The following TNFRSF13C variants were observed in gnomAD, a reference collection of about 807,000 sequenced individuals.
TNFRSF13C encodes the protein tumor necrosis factor receptor superfamily member 13C.
TNFRSF13C carries 7 observed loss-of-function variants against 12.1 expected under a neutral mutation model. The observed-to-expected ratio is 0.58, with a 90% CI of 0.33 to 1.08. TNFRSF13C has a LOEUF of 1.08. Ranked by LOEUF, TNFRSF13C falls within the 50% of genes least tolerant of loss-of-function variation. TNFRSF13C has a pLI of 0.04. For missense variants in TNFRSF13C, 260 were observed against 265.9 expected, an observed-to-expected ratio of 0.98 and a Z score of 0.15; for synonymous variants, 157 against 130.8, an observed-to-expected ratio of 1.20 and a Z score of -1.37.
Position 41,923,861 on chromosome 22 carries a change from T to C in TNFRSF13C, c.*1506A>G, listed in dbSNP as rs1474624379. 3.3e-5 allele frequency: 5 copies of C among 152,152 alleles called. No homozygotes were observed. The highest frequency in any genetic ancestry group is 7.2e-5 in the African/African-American group (3 of 41,444). The allele number at this position is 152,152 out of a possible 1,614,324, so 9.4% of individuals were successfully genotyped here. A position where few individuals can be genotyped will look rare whatever the true frequency, so the allele number is the denominator to read the frequency against. On this transcript the variant is annotated 3_prime_UTR_variant, in exon 3 of 3. Coordinates refer to ENST00000291232, the MANE Select transcript of TNFRSF13C (RefSeq NM_052945.4). ...CTGGAAGCTGCCACTGGGGTCAAAA[T>C]GGCATCTTAGGTTCTGGCAGATTGG...
Position 41,925,569 on chromosome 22 carries a change from G to T in TNFRSF13C, c.368-15C>A, listed in dbSNP as rs372331667. ...GGGCTCTGGGGCTGCAGGCAGAGGG[G>T]GTAGAGGCTCCGTACTCAGTCACAG... On this transcript the variant is annotated splice_polypyrimidine_tract_variant and intron_variant, in intron 2 of 2. Coordinates refer to ENST00000291232, the MANE Select transcript of TNFRSF13C (RefSeq NM_052945.4). 180 of 1,611,150 alleles carry T rather than the reference G, an allele frequency of 1.1e-4. No homozygotes were observed. The African/African-American group carries it at 2.2e-3, about 20-fold the overall frequency.
Position 41,926,041 on chromosome 22 carries a change from G to A in TNFRSF13C, c.367+60C>T, listed in dbSNP as rs2077627638. On this transcript the variant is annotated intron_variant, in intron 2 of 2. Coordinates refer to ENST00000291232, the MANE Select transcript of TNFRSF13C (RefSeq NM_052945.4). This position sits in a 1 kb window ranked among gnomAD's most constrained non-coding sequence, Gnocchi z 4.9. ...GGGGCCATGCATCTCCCCCTAGACC[G>A]TCCCGACACCCCAGCCCCTGCGCCC... The A allele has an allele frequency of 4.4e-6, 7 of 1,601,792 alleles. No homozygotes were observed. Among genetic ancestry groups the A allele is most frequent in the Non-Finnish European group, 6.0e-6 (7 of 1,172,732 alleles).
At chr22:41,925,635 T>A in intron 2 of TNFRSF13C, 81 bp from the exon 3 acceptor site, 1 of 1,542,172 alleles carries the variant, frequency 6.5e-7, no homozygotes, top group South Asian at 1.1e-5. Flanking sequence ...GGAGGGGCAG[T>A]CCTCCGTCAA....
Position 41,926,613 on chromosome 22 carries a change from C to T in TNFRSF13C, c.136+25G>A, listed in dbSNP as rs973102805. The T allele has an allele frequency of 7.0e-7, 1 of 1,419,730 alleles. No homozygotes were observed. Among genetic ancestry groups the T allele is most frequent in the Non-Finnish European group, 9.2e-7 (1 of 1,090,066 alleles). The allele number at this position is 1,419,730 out of a possible 1,614,324, so 87.9% of individuals were successfully genotyped here. A position where few individuals can be genotyped will look rare whatever the true frequency, so the allele number is the denominator to read the frequency against. ...CCGTTCTCCCCGCAGCTGCCGGCGCCGCGCGCCCCGTGGGTCCCCCTTACC... is the reference window on the plus strand; with the variant it reads ...CCGTTCTCCCCGCAGCTGCCGGCGCTGCGCGCCCCGTGGGTCCCCCTTACC... On this transcript the variant is annotated intron_variant, in intron 1 of 2. Coordinates refer to ENST00000291232, the MANE Select transcript of TNFRSF13C (RefSeq NM_052945.4). This position sits in a 1 kb window ranked among gnomAD's most constrained non-coding sequence, Gnocchi z 4.9.
rs1229639290 is a variant in TNFRSF13C, at chr22:41,923,243, G to C, written c.*2124C>G. ...AGAACAGAACATGCCCAGGGCCCAAGAGTGGGAAAACAGCACCCAGAACTC... is the reference window on the plus strand; with the variant it reads ...AGAACAGAACATGCCCAGGGCCCAACAGTGGGAAAACAGCACCCAGAACTC... On this transcript the variant is annotated 3_prime_UTR_variant, in exon 3 of 3. Transcript: ENST00000291232. 6.5e-6 allele frequency: 1 copy of C among 154,698 alleles called. No individual in the cohort carries two copies. The highest frequency in any genetic ancestry group is 1.5e-5 in the Non-Finnish European group (1 of 68,476). 9.6% of individuals were successfully genotyped at this position (154,698 alleles called of 1,614,324 possible). A position where few individuals can be genotyped will look rare whatever the true frequency, so the allele number is the denominator to read the frequency against.
Position 41,926,619 on chromosome 22 carries a change from C to T in TNFRSF13C, c.136+19G>A, listed in dbSNP as rs2077633906. On this transcript the variant is annotated intron_variant, in intron 1 of 2. Coordinates refer to ENST00000291232, the MANE Select transcript of TNFRSF13C (RefSeq NM_052945.4). This position sits in a 1 kb window ranked among gnomAD's most constrained non-coding sequence, Gnocchi z 4.9. The stretch of plus-strand genomic sequence containing the variant: ...TCCCCGCAGCTGCCGGCGCCGCGCG[C>T]CCCGTGGGTCCCCCTTACCCGGTTT... 1 of 1,428,648 alleles carries T rather than the reference C, an allele frequency of 7.0e-7. No individual in the cohort carries two copies. The highest frequency in any genetic ancestry group is 9.1e-7 in the Non-Finnish European group (1 of 1,094,410). 88.5% of individuals were successfully genotyped at this position (1,428,648 alleles called of 1,614,324 possible). A position where few individuals can be genotyped will look rare whatever the true frequency, so the allele number is the denominator to read the frequency against.
At chr22:41,925,670 G>A in intron 2 of TNFRSF13C, 116 bp from the exon 3 acceptor site, 1 of 1,330,304 alleles carries the variant, frequency 7.5e-7, no homozygotes, top group East Asian at 2.5e-5. Flanking sequence ...AGGGTGGGGA[G>A]GGGTGGCACC....
rs1369944531 is a variant in TNFRSF13C at position 41,924,431 on chromosome 22, T to A, written c.*936A>T. 1.4e-5 allele frequency: 2 copies of A among 142,106 alleles called. No homozygotes were observed. Among genetic ancestry groups the A allele is most frequent in the African/African-American group, 5.4e-5 (2 of 37,302 alleles). 8.8% of individuals were successfully genotyped at this position (142,106 alleles called of 1,614,324 possible). A position where few individuals can be genotyped will look rare whatever the true frequency, so the allele number is the denominator to read the frequency against. On this transcript the variant is annotated 3_prime_UTR_variant, in exon 3 of 3. Coordinates refer to ENST00000291232, the MANE Select transcript of TNFRSF13C (RefSeq NM_052945.4). ...TGAACCCAGGAGGCGGAGCTTGAAGTGAGCCGAAATTGCGTCACTGCACTC... is the reference window on the plus strand; with the variant it reads ...TGAACCCAGGAGGCGGAGCTTGAAGAGAGCCGAAATTGCGTCACTGCACTC...
Position 41,926,240 on chromosome 22 carries a change from C to A in TNFRSF13C, c.228G>T (p.Gly76=), listed in dbSNP as rs1440701869. ...GAGEAALPLP[G]LLFGAPALLG... Reference sequence around the variant, plus strand: ...GCAGCGCGGGGGCGCCAAAGAGCAGCCCGGGCAGGGGCAGCGCCGCCTCGC... The same window carrying A: ...GCAGCGCGGGGGCGCCAAAGAGCAGACCGGGCAGGGGCAGCGCCGCCTCGC... Residue 76 remains glycine, a synonymous_variant, in exon 2 of 3, where the codon GGG becomes GGT. Transcript: ENST00000291232. The surrounding 1 kb of genome is among the most constrained non-coding windows in gnomAD (Gnocchi z 4.9). 20 of 1,563,486 alleles carry A rather than the reference C, an allele frequency of 1.3e-5. No individual in the cohort carries two copies. Among genetic ancestry groups the A allele is most frequent in the Non-Finnish European group, 1.7e-5 (20 of 1,159,160 alleles).
In TNFRSF13C at chr22:41,926,710, C is replaced by G; in HGVS notation, c.64G>C (p.Ala22Pro). The G allele has an allele frequency of 6.9e-7, 1 of 1,452,466 alleles. No individual in the cohort carries two copies. The highest frequency in any genetic ancestry group is 1.5e-5 in the African/African-American group (1 of 67,794). 90.0% of individuals were successfully genotyped at this position (1,452,466 alleles called of 1,614,324 possible). ...CGGACCAGCAGGTCGAAGCACTCGG[C>G]CGGGACGCAGGGCGTGGGGGCTGGC... ...DAPAPTPCVP[A>P]ECFDLLVRHC... Residue 22 changes from alanine (A) to proline (P), a missense_variant, in exon 1 of 3, where the codon GCC (alanine) becomes CCC (proline). Ala to Pro is a conservative substitution (Grantham distance 27, BLOSUM62 -1). Transcript: ENST00000291232. The surrounding 1 kb of genome is among the most constrained non-coding windows in gnomAD (Gnocchi z 4.9).
In TNFRSF13C at chr22:41,926,392, G is replaced by A. The variant is rs970469431; in HGVS notation, c.137-61C>T. 5 of 1,300,466 alleles carry A rather than the reference G, an allele frequency of 3.8e-6. No individual in the cohort carries two copies. Among genetic ancestry groups the A allele is most frequent in the South Asian group, 4.0e-5 (2 of 50,528 alleles). The allele number at this position is 1,300,466 out of a possible 1,614,324, so 80.6% of individuals were successfully genotyped here. ...GCCGAGGGGAGGGAGGAGCGGGGAC[G>A]GGGAGGGGCGGAGGGGGGCGAGGCT... On this transcript the variant is annotated intron_variant, in intron 1 of 2. Transcript: ENST00000291232. This position sits in a 1 kb window ranked among gnomAD's most constrained non-coding sequence, Gnocchi z 4.9.
Position 41,924,949 on chromosome 22 carries a change from C to CAAAAAAAAAAAAAAA in TNFRSF13C, c.*403_*417dup, listed in dbSNP as rs750334567. 1.5e-4 allele frequency: 7 copies of CAAAAAAAAAAAAAAA among 45,314 alleles called. No individual in the cohort carries two copies. The highest frequency in any genetic ancestry group is 6.2e-4 in the African/African-American group (6 of 9,736). The allele number at this position is 45,314 out of a possible 1,614,324, so 2.8% of individuals were successfully genotyped here. ...CCTGGCGACAGAGCAAGACTCGTCTCAAAAAAAAAAAAAAAAAAAAAAAAA... is the reference window on the plus strand; with the variant it reads ...CCTGGCGACAGAGCAAGACTCGTCTCAAAAAAAAAAAAAAAAAAAAAAAAAAAAAAAAAAAAAAAA... On this transcript the variant is annotated 3_prime_UTR_variant, in exon 3 of 3. Coordinates refer to ENST00000291232, the MANE Select transcript of TNFRSF13C (RefSeq NM_052945.4).
intron 2 of TNFRSF13C, among the ~76,000 whole-genome samples, chr22:41,925,865 T>C (rs1250064643): frequency 5.3e-5 from 8 of 152,060 alleles, no homozygotes. Context: ...TGTCTCTTCC[T>C]CACACTGGGG....
chr22:41,925,663 G>T, intron 2 of TNFRSF13C, 109 bp from the exon 3 acceptor site: 2 of 1,352,554 alleles, frequency 1.5e-6, no homozygotes, highest in East Asian at 4.9e-5. Flanking sequence ...CCAATGCAGG[G>T]TGGGGAGGGG....
At position 41,926,479 on chromosome 22, in the gene TNFRSF13C, G is replaced by A; in HGVS notation, c.137-148C>T. 8.8e-7 allele frequency: 1 copy of A among 1,139,314 alleles called. No individual in the cohort carries two copies. Among genetic ancestry groups the A allele is most frequent in the Non-Finnish European group, 1.1e-6 (1 of 874,044 alleles). The allele number at this position is 1,139,314 out of a possible 1,614,324, so 70.6% of individuals were successfully genotyped here. ...CAAGGGGAGGGAGAGAGGCGGCGGT[G>A]AGGGCCACGCGGTGATCGCGGGCCC... On this transcript the variant is annotated intron_variant, in intron 1 of 2. Transcript: ENST00000291232. This position sits in a 1 kb window ranked among gnomAD's most constrained non-coding sequence, Gnocchi z 4.9.
In TNFRSF13C at chr22:41,926,741, C is replaced by T. The variant is rs1041505676; in HGVS notation, c.33G>A (p.Arg11=). The T allele has an allele frequency of 4.3e-6, 6 of 1,393,542 alleles. No individual in the cohort carries two copies. Among genetic ancestry groups the T allele is most frequent in the Admixed American group, 3.2e-5 (1 of 31,368 alleles). The allele number at this position is 1,393,542 out of a possible 1,614,324, so 86.3% of individuals were successfully genotyped here. A position where few individuals can be genotyped will look rare whatever the true frequency, so the allele number is the denominator to read the frequency against. The part of the protein sequence containing the change: MRRGPRSLRG[R]DAPAPTPCVP... ...CGCAGGGCGTGGGGGCTGGCGCGTC[C>T]CTGCCCCGCAGGCTCCGGGGCCCTC... is the stretch of plus-strand genomic sequence containing the variant. Residue 11 remains arginine, a synonymous_variant, in exon 1 of 3, where the codon AGG becomes AGA. Transcript: ENST00000291232. This position sits in a 1 kb window ranked among gnomAD's most constrained non-coding sequence, Gnocchi z 4.9.
Position 41,925,203 on chromosome 22 carries a change from A to G in TNFRSF13C, c.*164T>C. 1.3e-6 allele frequency: 1 copy of G among 783,554 alleles called. No homozygotes were observed. Among genetic ancestry groups the G allele is most frequent in the Non-Finnish European group, 2.0e-6 (1 of 506,456 alleles). The allele number at this position is 783,554 out of a possible 1,614,324, so 48.5% of individuals were successfully genotyped here. A position where few individuals can be genotyped will look rare whatever the true frequency, so the allele number is the denominator to read the frequency against. Reference sequence around the variant, plus strand: ...GCCAAAGGCAAGCACACCAAACTCCATGGGGGCTGAATGCTGTGGTCTGTA... The same window carrying G: ...GCCAAAGGCAAGCACACCAAACTCCGTGGGGGCTGAATGCTGTGGTCTGTA... On this transcript the variant is annotated 3_prime_UTR_variant, in exon 3 of 3. Coordinates refer to ENST00000291232, the MANE Select transcript of TNFRSF13C (RefSeq NM_052945.4).
Position 41,924,486 on chromosome 22 carries a change from T to TC in TNFRSF13C, c.*880dup, listed in dbSNP as rs2077619608. The TC allele has an allele frequency of 1.5e-5, 1 of 66,244 alleles. No homozygotes were observed. Among genetic ancestry groups the TC allele is most frequent in the Non-Finnish European group, 2.4e-5 (1 of 40,866 alleles). The allele number at this position is 66,244 out of a possible 1,614,324, so 4.1% of individuals were successfully genotyped here. ...CTAGGCGACAGAGCGAGACTCTGTC[T>TC]CAAAAAAAAAAAAAAAAAAAAAATT... is the stretch of plus-strand genomic sequence containing the variant. On this transcript the variant is annotated 3_prime_UTR_variant, in exon 3 of 3. Transcript: ENST00000291232.
Position 41,925,460 on chromosome 22 carries a change from G to A in TNFRSF13C, c.462C>T (p.Thr154=). 6.2e-7 allele frequency: 1 copy of A among 1,612,878 alleles called. No individual in the cohort carries two copies. Among genetic ancestry groups the A allele is most frequent in the South Asian group, 1.1e-5 (1 of 91,072 alleles). Residue 154 remains threonine (T), a synonymous_variant, in exon 3 of 3, where the codon ACC becomes ACT. Coordinates refer to ENST00000291232, the MANE Select transcript of TNFRSF13C (RefSeq NM_052945.4). ...AWPPPGEDPG[T]TPPGHSVPVP... ...CAGGGACACTGTGGCCAGGTGGGGT[G>A]GTTCCTGGGTCTTCCCCAGGAGGAG...
Sources: allele counts gnomAD v4.1 joint callset (sites outside exome capture counted in the v4.1 genomes callset), GRCh38; gene constraint gnomAD v4.1.1; non-coding constraint Gnocchi (gnomAD v3.1); transcripts MANE v1.5; gene names NCBI Gene and HGNC (gene_info 2026-07-23, HGNC 2026-07-21).